The following CNR2 variants were observed in gnomAD, a reference collection of about 807,000 sequenced individuals.
The protein encoded by CNR2 is cannabinoid receptor 2, also known as cannabinoid receptor 2 (macrophage).
For missense variants in CNR2, 379 were observed against 439.9 expected, an observed-to-expected ratio of 0.86 and a Z score of 1.24; for synonymous variants, 172 against 182.2, an observed-to-expected ratio of 0.94 and a Z score of 0.45.
Position 23,874,735 on chromosome 1 carries a change from T to A in CNR2, c.883A>T (p.Asn295Tyr). Reference protein sequence around the residue: ...SMLCLINSMVNPVIYALRSGE... With the variant: ...SMLCLINSMVYPVIYALRSGE... ...CTCCGTAGAGCATAGATGACAGGGTTGACCATGGAGTTGATGAGGCACAGC... is the reference window on the plus strand; with the variant it reads ...CTCCGTAGAGCATAGATGACAGGGTAGACCATGGAGTTGATGAGGCACAGC... Residue 295 changes from asparagine (N) to tyrosine (Y), a missense_variant, in exon 2 of 2, where the codon AAC (asparagine) becomes TAC (tyrosine). Transcript: ENST00000374472. 1 of 1,614,154 alleles carries A rather than the reference T, an allele frequency of 6.2e-7. No homozygotes were observed. Among genetic ancestry groups the A allele is most frequent in the Admixed American group, 1.7e-5 (1 of 60,020 alleles).
rs1375710976 is a variant in CNR2, at chr1:23,874,001, A to G, written c.*534T>C. On this transcript the variant is annotated 3_prime_UTR_variant, in exon 2 of 2. Transcript: ENST00000374472. ...CTTGTCATTTATCTCTGAAAGAGGCAAGTCAACACCTTAATCCTCATCATA... is the reference window on the plus strand; with the variant it reads ...CTTGTCATTTATCTCTGAAAGAGGCGAGTCAACACCTTAATCCTCATCATA... 2 of 153,580 alleles carry G rather than the reference A, an allele frequency of 1.3e-5. No homozygotes were observed. Among genetic ancestry groups the G allele is most frequent in the Admixed American group, 1.3e-4 (2 of 15,548 alleles). The allele number at this position is 153,580 out of a possible 1,614,324, so 9.5% of individuals were successfully genotyped here.
chr1:23,898,335 C>CCAT (rs1230917304), intron 1 of CNR2, among the ~76,000 whole-genome samples: 2 of 108,226 alleles, frequency 1.8e-5, no homozygotes, highest in Admixed American at 1.0e-4. Context: ...CCGCGCCCGG[C>CCAT]TTTTTTTTTT....
At chr1:23,880,315 C>G (rs1325314961) in intron 1 of CNR2, among the ~76,000 whole-genome samples, 5 of 151,806 alleles carry the variant, frequency 3.3e-5, no homozygotes, top group Non-Finnish European at 7.4e-5. Flanking sequence ...GTAGCTGGGA[C>G]TACAGGCGCA....
intron 1 of CNR2, among the ~76,000 whole-genome samples, chr1:23,896,628 AGAT>A (rs1640289869): frequency 6.6e-6 from 1 of 152,138 alleles, no homozygotes; most frequent in African/African-American, 2.4e-5. Flanking sequence ...TCAAAGAGGG[AGAT>A]GAGAGGCAGG....
chr1:23,879,316 A>C lies in CNR2; in HGVS notation c.-45-3654T>G, dbSNP rs5026182. Among the ~76,000 whole-genome samples the C allele has an allele frequency of 8.9e-3, 1,347 of 152,060 alleles. 16 individuals are homozygous for C. The highest frequency in any genetic ancestry group is 0.027 in the African/African-American group (1,130 of 41,516). ...TTCAAAAAACAAAACAAAACAAACA[A>C]ACAAAACCAAAGTGGAGACTGGGCA... On this transcript the variant is annotated intron_variant, in intron 1 of 1. Transcript: ENST00000374472.
chr1:23,902,316 C>T, intron 1 of CNR2: 1 of 1,547,718 alleles, frequency 6.5e-7, no homozygotes, highest in Non-Finnish European at 8.8e-7. Flanking sequence ...GACCTCCCAG[C>T]AGCGCTGGGT....
At chr1:23,902,018 G>A (rs1026729022) in intron 1 of CNR2, 2 of 1,603,690 alleles carry the variant, frequency 1.2e-6, no homozygotes, top group Non-Finnish European at 1.7e-6. Context: ...CTCCTCCAGA[G>A]TCAGGATGTC....
intron 1 of CNR2, among the ~76,000 whole-genome samples, chr1:23,887,063 G>C (rs1431960842): frequency 1.3e-5 from 2 of 152,154 alleles, no homozygotes; most frequent in Non-Finnish European, 2.9e-5. Context: ...ACGCCACCAT[G>C]CCTGGTTAAT....
At chr1:23,903,042 G>A (rs1466218418) in intron 1 of CNR2, among the ~76,000 whole-genome samples, 1 of 150,696 alleles carries the variant, frequency 6.6e-6, no homozygotes, top group Non-Finnish European at 1.5e-5. Context: ...GCTGAGCGAC[G>A]CGGCGGTGAT....
chr1:23,891,289 G>C (rs1376940644), intron 1 of CNR2, among the ~76,000 whole-genome samples: 9 of 4,122 alleles, frequency 2.2e-3, no homozygotes, highest in Non-Finnish European at 4.5e-3. Flanking sequence ...GTGTGTGTGT[G>C]TGTGTGTGTG....
chr1:23,893,378 T>G (rs1367341578), intron 1 of CNR2, among the ~76,000 whole-genome samples: 2 of 152,232 alleles, frequency 1.3e-5, no homozygotes, highest in East Asian at 3.8e-4. Context: ...AAATCTCAGG[T>G]CGGCCACTGA....
At chr1:23,880,051 C>A (rs1639952009) in intron 1 of CNR2, among the ~76,000 whole-genome samples, 1 of 152,130 alleles carries the variant, frequency 6.6e-6, no homozygotes, top group Non-Finnish European at 1.5e-5. Flanking sequence ...GTTCCCTTTT[C>A]CTGGATCACC....
rs1409049327 is a variant in CNR2, at chr1:23,871,285, T to A, written c.*3250A>T. 2 of 152,034 alleles carry A rather than the reference T, an allele frequency of 1.3e-5. No homozygotes were observed. Among genetic ancestry groups the A allele is most frequent in the Non-Finnish European group, 2.9e-5 (2 of 67,992 alleles). The allele number at this position is 152,034 out of a possible 1,614,324, so 9.4% of individuals were successfully genotyped here. A position where few individuals can be genotyped will look rare whatever the true frequency, so the allele number is the denominator to read the frequency against. On this transcript the variant is annotated 3_prime_UTR_variant, in exon 2 of 2. Transcript: ENST00000374472. ...TTTTATTCATTCAAGAAGTATTTAC[T>A]CAGTGCTTGTTTGTGCCAGGCACTT...
In CNR2 at chr1:23,874,180, T is replaced by C. The variant is rs200856456; in HGVS notation, c.*355A>G. ...TTCCCAAGAGAACAACCCATTCTTC[T>C]CAGATTTCTCCCAAGTCCCTCATTG... On this transcript the variant is annotated 3_prime_UTR_variant, in exon 2 of 2. Transcript: ENST00000374472. 1.0e-5 allele frequency: 2 copies of C among 195,670 alleles called. No individual in the cohort carries two copies. Among genetic ancestry groups the C allele is most frequent in the South Asian group, 2.4e-4 (2 of 8,256 alleles). The allele number at this position is 195,670 out of a possible 1,614,324, so 12.1% of individuals were successfully genotyped here.
At chr1:23,896,362 C>G (rs1015597977) in intron 1 of CNR2, among the ~76,000 whole-genome samples, 28 of 152,230 alleles carry the variant, frequency 1.8e-4, no homozygotes, top group African/African-American at 6.3e-4. Context: ...ATTCAGTTCC[C>G]TCATCCATAA....
chr1:23,875,884 A>G (rs376701776), intron 1 of CNR2, among the ~76,000 whole-genome samples: 1 of 152,080 alleles, frequency 6.6e-6, no homozygotes, highest in South Asian at 2.1e-4. Context: ...TGCAACAAGC[A>G]GAAGTGACTT....
At chr1:23,893,656 T>C (rs913856682) in intron 1 of CNR2, among the ~76,000 whole-genome samples, 2 of 152,178 alleles carry the variant, frequency 1.3e-5, no homozygotes, top group Non-Finnish European at 2.9e-5. Flanking sequence ...CCACCTACTC[T>C]CTCTTGTCCC....
At chr1:23,881,220 G>C (rs567855243) in intron 1 of CNR2, among the ~76,000 whole-genome samples, 1 of 151,864 alleles carries the variant, frequency 6.6e-6, no homozygotes, top group Non-Finnish European at 1.5e-5. Flanking sequence ...AGTTTGCAGT[G>C]AGCCAAAATC....
At chr1:23,895,836 T>C (rs1269993822) in intron 1 of CNR2, among the ~76,000 whole-genome samples, 1 of 152,002 alleles carries the variant, frequency 6.6e-6, no homozygotes, top group Non-Finnish European at 1.5e-5. Flanking sequence ...CAAGGTCAGA[T>C]TGGTAAAGAG....
Sources: allele counts gnomAD v4.1 joint callset (sites outside exome capture counted in the v4.1 genomes callset), GRCh38; gene constraint gnomAD v4.1.1; transcripts MANE v1.5; gene names NCBI Gene and HGNC (gene_info 2026-07-23, HGNC 2026-07-21).